Variants in TENM2 observed in about 807,000 individuals in gnomAD.
The protein encoded by TENM2 is teneurin-2.
In TENM2, 52 loss-of-function variants were observed where a neutral mutation model predicts 245.2. That is an observed-to-expected ratio of 0.21 (90% CI 0.17 to 0.27). The LOEUF (loss-of-function observed/expected upper bound fraction) is 0.27, where lower values mean the gene tolerates loss of function less well. Among genes scored for constraint, TENM2 ranks in the 10% least tolerant of loss-of-function variants. TENM2 has a pLI of 1.00. For synonymous variants in TENM2, 1,363 were observed against 1,438.9 expected (o/e 0.95, Z 1.19); for missense variants, 3,046 against 3,666.8 (o/e 0.83, Z 4.37).
intron 5 of TENM2, among the ~76,000 whole-genome samples, chr5:168,044,206 G>A (rs1788423919): frequency 6.6e-6 from 1 of 152,170 alleles, no homozygotes; most frequent in South Asian, 2.1e-4. Flanking sequence ...ACGAGGTCAG[G>A]AGATCAAAAC....
intron 21 of TENM2, among the ~76,000 whole-genome samples, chr5:168,216,436 C>T (rs557171278): frequency 6.6e-6 from 1 of 152,188 alleles, no homozygotes; most frequent in African/African-American, 2.4e-5. Flanking sequence ...GAAATAACTT[C>T]TTTTCTAAGG....
chr5:167,394,921 T>C (rs1284020040), intron 2 of TENM2, among the ~76,000 whole-genome samples: 1 of 152,152 alleles, frequency 6.6e-6, no homozygotes, highest in Non-Finnish European at 1.5e-5. Context: ...AATCAGGACA[T>C]GTGATGCCTC....
chr5:167,848,895 C>G (rs1303832556), intron 2 of TENM2, among the ~76,000 whole-genome samples: 1 of 152,130 alleles, frequency 6.6e-6, no homozygotes, highest in Non-Finnish European at 1.5e-5. Flanking sequence ...TTAAAGCAGG[C>G]TAGTTTTTTG....
At chr5:167,301,565 C>T (rs1755329181) in intron 1 of TENM2, among the ~76,000 whole-genome samples, 1 of 152,196 alleles carries the variant, frequency 6.6e-6, no homozygotes, top group African/African-American at 2.4e-5. Context: ...GGTTGGAGGG[C>T]TGGAATTTAA....
intron 2 of TENM2, among the ~76,000 whole-genome samples, chr5:167,411,606 G>GTGTGTGTGTGTA (rs1340189182): frequency 4.1e-5 from 6 of 147,872 alleles, no homozygotes; most frequent in Middle Eastern, 3.6e-3. Context: ...GTGTGTGTGT[G>GTGTGTGTGTGTA]TGTATGTATG....
chr5:167,480,955 C>T (rs1162200323), intron 2 of TENM2, among the ~76,000 whole-genome samples: 1 of 152,110 alleles, frequency 6.6e-6, no homozygotes, highest in Non-Finnish European at 1.5e-5. Flanking sequence ...CAGGAATTCC[C>T]ATAAAAAATT....
chr5:167,519,036 C>T (rs968365637), intron 2 of TENM2, among the ~76,000 whole-genome samples: 5 of 152,156 alleles, frequency 3.3e-5, no homozygotes, highest in African/African-American at 1.2e-4. Flanking sequence ...CAAAGCCTTA[C>T]CTAGTCCATA....
At chr5:167,692,709 G>A (rs915359718) in intron 2 of TENM2, among the ~76,000 whole-genome samples, 9 of 152,166 alleles carry the variant, frequency 5.9e-5, no homozygotes, top group Non-Finnish European at 1.3e-4. Flanking sequence ...AGACCCAGCT[G>A]TTCAAGCAGG....
At chr5:167,597,160 C>CT (rs1211549028) in intron 2 of TENM2, among the ~76,000 whole-genome samples, 39 of 102,290 alleles carry the variant, frequency 3.8e-4, no homozygotes, top group East Asian at 3.3e-3. Context: ...CTTTTCTTTT[C>CT]TTTTCTTTTT....
chr5:167,696,815 T>C (rs1757797935), intron 2 of TENM2, among the ~76,000 whole-genome samples: 1 of 152,164 alleles, frequency 6.6e-6, no homozygotes, highest in African/African-American at 2.4e-5. Flanking sequence ...TGCACCTCCC[T>C]GGAACCATTC....
chr5:167,255,415 C>T, the TENM2 span, among the ~76,000 whole-genome samples: 1 of 152,008 alleles, frequency 6.6e-6, no homozygotes, highest in South Asian at 2.1e-4. Context: ...GCTAAAAGCC[C>T]ATGTTCTTTC....
At chr5:167,616,627 GA>G (rs1188011301) in intron 2 of TENM2, among the ~76,000 whole-genome samples, 18 of 152,088 alleles carry the variant, frequency 1.2e-4, no homozygotes, top group Admixed American at 3.3e-4. Context: ...ATATTCTTCA[GA>G]ATTATTTCTG....
At chr5:167,027,603 A>G in the TENM2 span, among the ~76,000 whole-genome samples, 4 of 152,230 alleles carry the variant, frequency 2.6e-5, no homozygotes, top group African/African-American at 4.8e-5. Context: ...AATTTTGAAA[A>G]AAATTCAAAC....
intron 2 of TENM2, among the ~76,000 whole-genome samples, chr5:167,747,155 C>T (rs903495392): frequency 6.6e-6 from 1 of 151,994 alleles, no homozygotes; most frequent in Non-Finnish European, 1.5e-5. Flanking sequence ...TAAAACAAAA[C>T]GAAAAACCCA....
At chr5:167,598,084 A>G (rs1776349334) in intron 2 of TENM2, among the ~76,000 whole-genome samples, 1 of 152,224 alleles carries the variant, frequency 6.6e-6, no homozygotes, top group Non-Finnish European at 1.5e-5. Flanking sequence ...AGCATGAAGG[A>G]GTGAGGCAAA....
intron 2 of TENM2, among the ~76,000 whole-genome samples, chr5:167,528,486 A>G (rs1034308658): frequency 2.6e-5 from 4 of 152,148 alleles, no homozygotes; most frequent in African/African-American, 9.7e-5. Context: ...TAAACTTGAC[A>G]TATAATAGCA....
chr5:167,154,209 T>C, the TENM2 span, among the ~76,000 whole-genome samples: 12 of 152,216 alleles, frequency 7.9e-5, no homozygotes, highest in Non-Finnish European at 1.8e-4. Context: ...TGCCTTTCTT[T>C]TGTATGAAAA....
chr5:167,608,610 C>T (rs1051380271), intron 2 of TENM2, among the ~76,000 whole-genome samples: 6 of 152,210 alleles, frequency 3.9e-5, no homozygotes, highest in African/African-American at 7.2e-5. Context: ...ACCACACAGA[C>T]GTCAACCATG....
intron 12 of TENM2, among the ~76,000 whole-genome samples, chr5:168,160,741 C>A (rs1249256086): frequency 6.6e-6 from 1 of 151,702 alleles, no homozygotes; most frequent in South Asian, 2.1e-4. Context: ...CACCACTGGC[C>A]AAGCATAATG....
Sources: allele counts gnomAD v4.1 joint callset (sites outside exome capture counted in the v4.1 genomes callset), GRCh38; gene constraint gnomAD v4.1.1; transcripts MANE v1.5; gene names NCBI Gene and HGNC (gene_info 2026-07-23, HGNC 2026-07-21).